Variants in FBXL13 observed in about 807,000 individuals in gnomAD.
FBXL13 encodes F-box and leucine-rich repeat protein 13.
FBXL13 carries 67 observed loss-of-function variants against 83.6 expected under a neutral mutation model. The observed-to-expected ratio is 0.80, with a 90% CI of 0.66 to 0.98. FBXL13 has a LOEUF of 0.98. FBXL13 is among the 50% of genes least tolerant of loss of function. FBXL13 has a pLI of 0.00. For synonymous variants in FBXL13, 272 were observed against 299.5 expected (o/e 0.91, Z 0.95); for missense variants, 822 against 866.5 (o/e 0.95, Z 0.64).
chr7:102,999,769 GTC>G lies in FBXL13; in HGVS notation c.495+25292_495+25293del, dbSNP rs1790197811. Among the ~76,000 whole-genome samples the G allele has an allele frequency of 2.0e-5, 3 of 151,780 alleles. 1 individual carries two copies. The South Asian group carries it at 6.2e-4, about 32-fold the overall frequency. ...TATCAGTTGCAATGTCTCATGTTTT[GTC>G]TCTGATTTTATTTGGGTCTTCTTTT... is the stretch of plus-strand genomic sequence containing the variant. On this transcript the variant is annotated intron_variant, in intron 6 of 19. Coordinates refer to ENST00000313221, the Ensembl canonical transcript of FBXL13.
exon 15 of FBXL13, chr7:102,878,404 T>C (rs1245923406): frequency 1.2e-6 from 2 of 1,609,936 alleles, no homozygotes; most frequent in Non-Finnish European, 1.7e-6. Context: ...CTTATCCTCA[T>C]GCTTGCAGGA....
intron 19 of FBXL13, chr7:102,816,413 C>A (rs1584404273): frequency 6.6e-6 from 1 of 152,284 alleles, no homozygotes; most frequent in Admixed American, 6.5e-5. Context: ...ATAGACTATT[C>A]CCTATTCCAC....
intron 6 of FBXL13, among the ~76,000 whole-genome samples, chr7:102,999,138 G>A (rs762780582): frequency 3.3e-5 from 5 of 151,758 alleles, no homozygotes; most frequent in Admixed American, 6.6e-5. Flanking sequence ...ATAAAAGCAT[G>A]TTGAATTTTA....
At chr7:103,027,132 A>AATAGT (rs1249277964) in intron 5 of FBXL13, among the ~76,000 whole-genome samples, 1 of 152,034 alleles carries the variant, frequency 6.6e-6, no homozygotes, top group Non-Finnish European at 1.5e-5. Flanking sequence ...CATCTCTACT[A>AATAGT]AAACTACAAA....
In FBXL13 at chr7:102,983,028, G is replaced by GT. The variant is rs200821003; in HGVS notation, c.496-14912dup. On this transcript the variant is annotated intron_variant, in intron 6 of 19. Coordinates refer to ENST00000313221, the Ensembl canonical transcript of FBXL13. ...CTGTATAAGTTAGAAAACTCAAGTA[G>GT]TTTTTTTTGGAGTGTAGTGCACTTT... Among the ~76,000 whole-genome samples the GT allele has an allele frequency of 5.0e-4, 76 of 152,064 alleles. No homozygotes were observed. In the East Asian group the frequency reaches 0.01, roughly 21 times the overall value.
chr7:102,923,666 C>CA (rs1233221614), intron 10 of FBXL13, among the ~76,000 whole-genome samples: 3 of 151,412 alleles, frequency 2.0e-5, no homozygotes, highest in African/African-American at 7.3e-5. Flanking sequence ...ACTAAAAATA[C>CA]AAAAAAACTT....
chr7:103,055,653 T>C (rs774596467), exon 2 of FBXL13: 1 of 1,259,848 alleles, frequency 7.9e-7, no homozygotes, highest in African/African-American at 1.5e-5. Context: ...CCAAAGAAGA[T>C]TCTGAAGACC....
chr7:102,926,241 T>G, intron 10 of FBXL13, 33 bp downstream of exon 11: 1 of 1,588,428 alleles, frequency 6.3e-7, no homozygotes, highest in Non-Finnish European at 8.6e-7. Context: ...AGCATAATTT[T>G]TTTCAGTGTC....
rs1396773783 is a variant in FBXL13 at position 102,946,996 on chromosome 7, ACT to A, written c.725-15065_725-15064del. Among the ~76,000 whole-genome samples, 3 of 152,006 alleles carry A rather than the reference ACT, an allele frequency of 2.0e-5. No homozygotes were observed. In the East Asian group the frequency reaches 5.8e-4, roughly 29 times the overall value. On this transcript the variant is annotated intron_variant, in intron 8 of 19. Coordinates refer to ENST00000313221, the Ensembl canonical transcript of FBXL13. ...TGGACTGGATTGTGAGGTTCTAACC[ACT>A]CTGCCCAGTGGTCTGGGTCAGAGGT...
intron 14 of FBXL13, among the ~76,000 whole-genome samples, chr7:102,882,152 T>C (rs1810183383): frequency 6.6e-6 from 1 of 152,114 alleles, no homozygotes; most frequent in Non-Finnish European, 1.5e-5. Flanking sequence ...TTCTAGCTAC[T>C]TGGGAGGCTG....
chr7:102,968,775 G>T (rs913409469), intron 6 of FBXL13, among the ~76,000 whole-genome samples: 5 of 152,280 alleles, frequency 3.3e-5, no homozygotes, highest in Admixed American at 2.0e-4. Flanking sequence ...TAGTTGCTTG[G>T]GAGGGAGGAA....
intron 10 of FBXL13, among the ~76,000 whole-genome samples, chr7:102,920,932 T>C (rs1461395280): frequency 1.3e-5 from 2 of 151,962 alleles, no homozygotes; most frequent in Non-Finnish European, 2.9e-5. Flanking sequence ...GGTGGGCGGA[T>C]CACGAGGTCA....
At chr7:102,913,007 TAAC>T (rs1465004108) in intron 11 of FBXL13, 76 bp downstream of exon 12, 2 of 1,589,890 alleles carry the variant, frequency 1.3e-6, no homozygotes, top group Non-Finnish European at 1.7e-6. Context: ...AGCATTAGTA[TAAC>T]GTGAGGGCTG....
At chr7:102,888,820 A>G (rs879429975) in intron 11 of FBXL13, among the ~76,000 whole-genome samples, 3 of 152,164 alleles carry the variant, frequency 2.0e-5, no homozygotes, top group African/African-American at 4.8e-5. Flanking sequence ...CTTTCAAAAC[A>G]TGAACAGAGG....
At chr7:103,053,302 G>A (rs1173658968) in intron 2 of FBXL13, among the ~76,000 whole-genome samples, 3 of 151,586 alleles carry the variant, frequency 2.0e-5, no homozygotes, top group Admixed American at 6.6e-5. Flanking sequence ...ACAGGCACCC[G>A]CCACCATGCC....
rs532006016 is a variant in FBXL13, at chr7:103,018,292, C to A, written c.495+6771G>T. Reference sequence around the variant, plus strand: ...CAAATACTGAGAGATTTTGTCACCACTAGGCCTGCCTTACAAGAGCTCCTG... The same window carrying A: ...CAAATACTGAGAGATTTTGTCACCAATAGGCCTGCCTTACAAGAGCTCCTG... On this transcript the variant is annotated intron_variant, in intron 6 of 19. Coordinates refer to ENST00000313221, the Ensembl canonical transcript of FBXL13. 2.2e-3 allele frequency among the ~76,000 whole-genome samples: 341 copies of A among 152,278 alleles called. 1 individual carries two copies. Among genetic ancestry groups the A allele is most frequent in the Middle Eastern group, 0.02 (6 of 294 alleles).
intron 11 of FBXL13, among the ~76,000 whole-genome samples, chr7:102,885,450 T>A (rs1584778865): frequency 6.6e-6 from 1 of 152,306 alleles, no homozygotes; most frequent in African/African-American, 2.4e-5. Flanking sequence ...ATTTGCCTTT[T>A]TTTTTTTAGT....
At chr7:103,043,684 T>C (rs558587255) in intron 2 of FBXL13, among the ~76,000 whole-genome samples, 1 of 152,176 alleles carries the variant, frequency 6.6e-6, no homozygotes, top group African/African-American at 2.4e-5. Context: ...ACTAATTTTT[T>C]TGCATTTTTA....
chr7:102,835,154 C>T lies in FBXL13; in HGVS notation c.1720-2180G>A, dbSNP rs565560260. 3.9e-5 allele frequency among the ~76,000 whole-genome samples: 6 copies of T among 152,264 alleles called. No individual in the cohort carries two copies. The South Asian group carries it at 1.0e-3, about 26-fold the overall frequency. Reference sequence around the variant, plus strand: ...AGCCAACAGTGATTCATTCTTTGATCTCATGCAGAACTTGTCTTTTTCAAC... The same window carrying T: ...AGCCAACAGTGATTCATTCTTTGATTTCATGCAGAACTTGTCTTTTTCAAC... On this transcript the variant is annotated intron_variant, in intron 17 of 19. Transcript: ENST00000313221.
Sources: gnomAD v4.1 joint callset for allele counts (sites outside exome capture counted in the v4.1 genomes callset) on GRCh38, gnomAD v4.1.1 for gene constraint, MANE v1.5 for transcripts, NCBI Gene and HGNC (gene_info 2026-07-23, HGNC 2026-07-21) for gene names.